The following KCNN1 variants were observed in gnomAD, a reference collection of about 807,000 sequenced individuals.
KCNN1 encodes small conductance calcium-activated potassium channel protein 1.
KCNN1 carries 20 observed loss-of-function variants against 44.7 expected under a neutral mutation model. The observed-to-expected ratio is 0.45, with a 90% CI of 0.32 to 0.65. KCNN1 has a LOEUF of 0.65. Among genes scored for constraint, KCNN1 ranks in the 30% least tolerant of loss-of-function variants. The pLI is 0.05. For synonymous variants in KCNN1, 324 were observed against 341.7 expected, an observed-to-expected ratio of 0.95 and a Z score of 0.57; for missense variants, 632 against 785.3, an observed-to-expected ratio of 0.80 and a Z score of 2.33.
intron 9 of KCNN1, among the ~76,000 whole-genome samples, chr19:17,997,115 G>A (rs2033023871): frequency 6.6e-6 from 1 of 152,224 alleles, no homozygotes; most frequent in Non-Finnish European, 1.5e-5. Flanking sequence ...GGGCAGTTGA[G>A]GTGGTAGGGA....
chr19:17,989,676 T>G (rs1264535682), intron 6 of KCNN1, 40 bp from the exon 7 acceptor site: 2 of 1,612,100 alleles, frequency 1.2e-6, no homozygotes, highest in Admixed American at 3.4e-5. Flanking sequence ...TTTTGGAATT[T>G]CGCGCCAACC....
intron 7 of KCNN1, among the ~76,000 whole-genome samples, chr19:17,992,187 G>A (rs1481815091): frequency 6.8e-6 from 1 of 148,138 alleles, no homozygotes; most frequent in Admixed American, 6.8e-5. Flanking sequence ...GCTGAGCGTG[G>A]TGGCACATGC....
chr19:17,986,934 G>A lies in KCNN1; in HGVS notation c.1059+1481G>A, dbSNP rs947676275. On this transcript the variant is annotated intron_variant, in intron 5 of 9. Transcript: ENST00000684775. The stretch of plus-strand genomic sequence containing the variant: ...CCATTCTCCTGCCTCAGCTTCCTGA[G>A]TAGCTGGAATTACAGGCGCCTGCCA... Among the ~76,000 whole-genome samples, 3 of 152,210 alleles carry A rather than the reference G, an allele frequency of 2.0e-5. No individual in the cohort carries two copies. In the South Asian group the frequency reaches 6.2e-4, roughly 32 times the overall value.
At chr19:17,973,775 C>T (rs2032103619) in intron 1 of KCNN1, 33 bp from the exon 2 acceptor site, 1 of 1,472,516 alleles carries the variant, frequency 6.8e-7, no homozygotes, top group African/African-American at 1.4e-5. Context: ...AAGCTGGACC[C>T]TGCTGTGACC....
At chr19:17,997,712 T>C (rs1327206427) in intron 9 of KCNN1, among the ~76,000 whole-genome samples, 1 of 152,010 alleles carries the variant, frequency 6.6e-6, no homozygotes, top group African/African-American at 2.4e-5. Context: ...ACTCCTGACC[T>C]CAGGCGATTC....
At chr19:17,970,155 C>T (rs999110112) in intron 1 of KCNN1, among the ~76,000 whole-genome samples, 9 of 140,402 alleles carry the variant, frequency 6.4e-5, no homozygotes, top group South Asian at 2.6e-4. Context: ...GCTGGGCCTG[C>T]GGGAGGTCAG....
intron 3 of KCNN1, 104 bp from the exon 4 acceptor site, chr19:17,981,605 G>A: frequency 1.1e-6 from 1 of 946,236 alleles, no homozygotes. Flanking sequence ...AGCCTGTGGG[G>A]TTTCAGGCCA....
rs373428027 is a variant in KCNN1 at position 17,973,840 on chromosome 19, C to A, written c.-49C>A. The A allele has an allele frequency of 9.8e-5, 150 of 1,537,650 alleles. No individual in the cohort carries two copies. In the African/African-American group the frequency reaches 1.9e-3, roughly 19 times the overall value. On this transcript the variant is annotated 5_prime_UTR_variant, in exon 2 of 10. Coordinates refer to ENST00000684775, the MANE Select transcript of KCNN1 (RefSeq NM_001386974.1). ...CAGGAGCCCAGCCGCTGAGCCATGC[C>A]GGGCCCCGGGCGGCCTGCAGCGAGC...
exon 2 of KCNN1, chr19:17,954,651 T>A (rs974675986): frequency 1.3e-5 from 2 of 152,238 alleles, no homozygotes; most frequent in African/African-American, 4.8e-5. Context: ...CCCTTTGCAG[T>A]GGCTCGGCGA....
chr19:17,956,960 G>A (rs1273153719), intron 2 of KCNN1, among the ~76,000 whole-genome samples: 1 of 151,664 alleles, frequency 6.6e-6, no homozygotes, highest in African/African-American at 2.4e-5. Flanking sequence ...AGGCAGGCAG[G>A]AGAATCGCTT....
chr19:17,953,429 T>G (rs924292656), intron 1 of KCNN1, among the ~76,000 whole-genome samples: 2 of 152,188 alleles, frequency 1.3e-5, no homozygotes, highest in African/African-American at 4.8e-5. Flanking sequence ...CAGGTCCTGG[T>G]GAGAGAAAGG....
At chr19:17,973,193 CCCCAGACTCAAGTGATCCT>C (rs2032083135) in intron 1 of KCNN1, among the ~76,000 whole-genome samples, 1 of 152,040 alleles carries the variant, frequency 6.6e-6, no homozygotes, top group Non-Finnish European at 1.5e-5. Flanking sequence ...GGATTTAAAC[CCCCAGACTCAAGTGATCCT>C]CCAGTCTCAG....
rs762661355 is a variant in KCNN1, at chr19:17,998,446, G to A, written c.*40G>A. On this transcript the variant is annotated 3_prime_UTR_variant, in exon 10 of 10. Coordinates refer to ENST00000684775, the MANE Select transcript of KCNN1 (RefSeq NM_001386974.1). The surrounding 1 kb of genome is among the most constrained non-coding windows in gnomAD (Gnocchi z 5.4). ...ACCAGACCCCTAAATCTTGGCCATC[G>A]TGTGGCCGCCACCTCCGGGAAGCCT... 13 of 1,450,804 alleles carry A rather than the reference G, an allele frequency of 9.0e-6. No homozygotes were observed. The East Asian group carries it at 1.5e-4, about 16-fold the overall frequency. The allele number at this position is 1,450,804 out of a possible 1,614,324, so 89.9% of individuals were successfully genotyped here. A position where few individuals can be genotyped will look rare whatever the true frequency, so the allele number is the denominator to read the frequency against.
upstream of KCNN1, among the ~76,000 whole-genome samples, chr19:17,966,253 C>CA (rs2031807110): frequency 6.6e-6 from 1 of 152,182 alleles, no homozygotes; most frequent in Non-Finnish European, 1.5e-5. Flanking sequence ...AGGAAGCCCC[C>CA]AGGCTGGTGG....
chr19:17,982,976 G>T (rs530430175), intron 4 of KCNN1, among the ~76,000 whole-genome samples: 3 of 151,890 alleles, frequency 2.0e-5, no homozygotes, highest in South Asian at 2.1e-4. Flanking sequence ...GGACGCGGAG[G>T]TTGCAGTGAG....
intron 7 of KCNN1, among the ~76,000 whole-genome samples, chr19:17,990,459 G>A (rs1439935478): frequency 6.9e-6 from 1 of 145,634 alleles, no homozygotes; most frequent in African/African-American, 2.6e-5. Context: ...ACTCAGCTGG[G>A]TTACAAAGTG....
At chr19:17,978,400 C>T (rs574595348) in intron 3 of KCNN1, among the ~76,000 whole-genome samples, 1 of 146,814 alleles carries the variant, frequency 6.8e-6, no homozygotes, top group African/African-American at 2.5e-5. Context: ...GCTGGGATTA[C>T]AGGCATGAGC....
chr19:17,992,060 C>T (rs1308430969), intron 7 of KCNN1, among the ~76,000 whole-genome samples: 1 of 152,198 alleles, frequency 6.6e-6, no homozygotes, highest in Non-Finnish European at 1.5e-5. Context: ...GTGGCTCACA[C>T]TTGTAATCCC....
intron 4 of KCNN1, chr19:17,982,607 G>A: frequency 3.0e-6 from 3 of 984,318 alleles, no homozygotes; most frequent in South Asian, 9.4e-5. Context: ...AGCTGTGTGC[G>A]CAGAGCAGCC....
Sources: allele counts gnomAD v4.1 joint callset (sites outside exome capture counted in the v4.1 genomes callset), GRCh38; gene constraint gnomAD v4.1.1; non-coding constraint Gnocchi (gnomAD v3.1); transcripts MANE v1.5; gene names NCBI Gene and HGNC (gene_info 2026-07-23, HGNC 2026-07-21).